VRK2: variants seen among roughly 807,000 people sequenced by gnomAD.
VRK2 encodes the protein serine/threonine-protein kinase VRK2.
Under a neutral mutation model 57.6 loss-of-function variants are expected in VRK2, and 60 were observed. That is an observed-to-expected ratio of 1.04 (90% confidence interval 0.85 to 1.29). The LOEUF (loss-of-function observed/expected upper bound fraction) is 1.29, where lower values mean the gene tolerates loss of function less well. VRK2 is among the 50% of genes most tolerant of loss of function. The probability of loss-of-function intolerance (pLI) is 0.00; values close to 1 mark genes in which losing one functional copy is unlikely to be tolerated. For synonymous variants in VRK2, 231 were observed against 199.2 expected (o/e 1.16, Z -1.35); for missense variants, 705 against 588.1 (o/e 1.20, Z -2.06).
At chr2:57,910,007 T>A (rs965403513) in intron 1 of VRK2, among the ~76,000 whole-genome samples, 4 of 151,724 alleles carry the variant, frequency 2.6e-5, no homozygotes, top group African/African-American at 4.8e-5. Context: ...AGTCAATTTA[T>A]AAAAAATAAA....
intron 12 of VRK2, among the ~76,000 whole-genome samples, chr2:58,149,401 A>C (rs1682659263): frequency 6.6e-6 from 1 of 151,708 alleles, no homozygotes; most frequent in Non-Finnish European, 1.5e-5. Flanking sequence ...ATCTTTCTAA[A>C]TGTACTTATT....
intron 1 of VRK2, among the ~76,000 whole-genome samples, chr2:57,981,867 T>C (rs987594554): frequency 6.6e-6 from 1 of 152,232 alleles, no homozygotes; most frequent in African/African-American, 2.4e-5. Context: ...ATCCAGATTA[T>C]GAACTCTATG....
chr2:57,964,402 G>A (rs1671849812), intron 1 of VRK2, among the ~76,000 whole-genome samples: 1 of 152,092 alleles, frequency 6.6e-6, no homozygotes, highest in Admixed American at 6.5e-5. Flanking sequence ...AAGAGGAGTA[G>A]GAAGAGGAGG....
chr2:57,965,071 T>C (rs1215973359), intron 1 of VRK2, among the ~76,000 whole-genome samples: 1 of 152,134 alleles, frequency 6.6e-6, no homozygotes, highest in Admixed American at 6.5e-5. Context: ...TGTAAACAGA[T>C]GCACCTAACA....
At chr2:58,080,901 T>G (rs1039349153) in intron 2 of VRK2, among the ~76,000 whole-genome samples, 8 of 151,928 alleles carry the variant, frequency 5.3e-5, no homozygotes, top group African/African-American at 1.9e-4. Context: ...CAGCCCATAT[T>G]AGATGCTTAA....
intron 2 of VRK2, among the ~76,000 whole-genome samples, chr2:58,027,025 A>T (rs1432582552): frequency 6.6e-6 from 1 of 151,994 alleles, no homozygotes; most frequent in Non-Finnish European, 1.5e-5. Flanking sequence ...AGCCAACTTT[A>T]ACAGTTTTTA....
intron 1 of VRK2, among the ~76,000 whole-genome samples, chr2:57,999,071 G>A (rs956464685): frequency 6.6e-6 from 1 of 151,886 alleles, no homozygotes; most frequent in Non-Finnish European, 1.5e-5. Flanking sequence ...ATAAGGGGGT[G>A]GGGGGATCTC....
At chr2:57,934,850 T>C (rs1187923281) in intron 1 of VRK2, among the ~76,000 whole-genome samples, 1 of 152,188 alleles carries the variant, frequency 6.6e-6, no homozygotes, top group Non-Finnish European at 1.5e-5. Context: ...TTAAGTCTAC[T>C]GTTGATACTC....
At chr2:58,137,223 T>TATGATA (rs1558687321) in intron 10 of VRK2, among the ~76,000 whole-genome samples, 3,452 of 18,248 alleles carry the variant, frequency 0.19, 2 homozygotes, top group East Asian at 0.23. Context: ...TACATATATA[T>TATGATA]CATATGATAC....
chr2:58,144,295 A>G (rs1029301692), intron 11 of VRK2, among the ~76,000 whole-genome samples: 2 of 152,110 alleles, frequency 1.3e-5, no homozygotes, highest in Admixed American at 6.6e-5. Context: ...CAGTTATAAG[A>G]TGAATGAGTT....
intron 10 of VRK2, 117 bp from the exon 11 acceptor site, chr2:58,139,548 GT>G: frequency 2.4e-6 from 2 of 825,280 alleles, no homozygotes; most frequent in South Asian, 4.3e-5. Flanking sequence ...TTCATTTTTA[GT>G]TTCTTCAGGA....
chr2:57,949,153 T>G (rs1054891408), intron 1 of VRK2, among the ~76,000 whole-genome samples: 6 of 152,084 alleles, frequency 3.9e-5, no homozygotes, highest in Non-Finnish European at 7.4e-5. Context: ...AAAAAAGGAT[T>G]TGAAAATAGC....
intron 7 of VRK2, among the ~76,000 whole-genome samples, chr2:58,094,903 A>T (rs1672903508): frequency 6.6e-6 from 1 of 152,158 alleles, no homozygotes; most frequent in Non-Finnish European, 1.5e-5. Context: ...GTAATTTAAC[A>T]TTGGATTGGA....
chr2:58,066,812 T>G (rs901484440), intron 2 of VRK2, among the ~76,000 whole-genome samples: 6 of 152,190 alleles, frequency 3.9e-5, no homozygotes, highest in African/African-American at 1.4e-4. Context: ...TAGTTCATGG[T>G]TTTTAAGGAA....
At chr2:58,122,807 T>C (rs958710275) in intron 7 of VRK2, among the ~76,000 whole-genome samples, 2 of 152,188 alleles carry the variant, frequency 1.3e-5, no homozygotes, top group South Asian at 4.1e-4. Context: ...CATATTGTGG[T>C]TTATGATGTC....
At chr2:58,013,289 T>A (rs543707854) in intron 1 of VRK2, among the ~76,000 whole-genome samples, 1 of 152,356 alleles carries the variant, frequency 6.6e-6, no homozygotes, top group East Asian at 1.9e-4. Flanking sequence ...TTTATGTAAC[T>A]TCCATTCAAA....
chr2:58,031,056 C>T (rs950777272), intron 2 of VRK2, among the ~76,000 whole-genome samples: 7 of 152,026 alleles, frequency 4.6e-5, no homozygotes, highest in Non-Finnish European at 8.8e-5. Context: ...AAGAGTTAAG[C>T]CATTTTCCCT....
intron 1 of VRK2, among the ~76,000 whole-genome samples, chr2:58,008,964 G>A (rs532672993): frequency 6.6e-6 from 1 of 152,184 alleles, no homozygotes; most frequent in East Asian, 1.9e-4. Flanking sequence ...AGAGAAGGAG[G>A]AATGTGGTAT....
chr2:57,966,707 A>G (rs1671928367), intron 1 of VRK2, among the ~76,000 whole-genome samples: 1 of 152,224 alleles, frequency 6.6e-6, no homozygotes, highest in African/African-American at 2.4e-5. Context: ...AAGTAAAAAC[A>G]GATACAAAAT....
Sources: allele counts gnomAD v4.1 joint callset (sites outside exome capture counted in the v4.1 genomes callset), GRCh38; gene constraint gnomAD v4.1.1; transcripts MANE v1.5; gene names NCBI Gene and HGNC (gene_info 2026-07-23, HGNC 2026-07-21).